ALG12: variants seen among roughly 807,000 people sequenced by gnomAD.
The protein encoded by ALG12 is dol-P-Man:Man(7)GlcNAc(2)-PP-Dol alpha-1,6-mannosyltransferase.
A neutral mutation model predicts 46.0 loss-of-function variants in ALG12; 36 were observed. The ratio of observed to expected loss-of-function variants is 0.78; its 90% CI spans 0.60 to 1.03. The LOEUF (loss-of-function observed/expected upper bound fraction) is 1.03, where lower values mean the gene tolerates loss of function less well. Ranked by LOEUF, ALG12 falls within the 50% of genes least tolerant of loss-of-function variation. ALG12 has a pLI of 0.00. For synonymous variants in ALG12, 326 were observed against 291.6 expected (o/e 1.12, Z -1.20); for missense variants, 599 against 633.5 (o/e 0.95, Z 0.58).
At chr22:49,914,335 A>T (rs2060598283) in intron 1 of ALG12, among the ~76,000 whole-genome samples, 1 of 152,220 alleles carries the variant, frequency 6.6e-6, no homozygotes, top group Admixed American at 6.5e-5. Flanking sequence ...AGCTGCTGGG[A>T]CACAGGGCTC....
At chr22:49,879,318 G>A in the ALG12 span, among the ~76,000 whole-genome samples, 2 of 151,816 alleles carry the variant, frequency 1.3e-5, no homozygotes, top group African/African-American at 4.8e-5. Flanking sequence ...GTAGAGACCA[G>A]GTTTCGCCAT....
At position 49,900,821 on chromosome 22, in the gene ALG12, AAC is replaced by A. The variant is rs1569170673; in HGVS notation, c.*3015_*3016del. ...ACACATATTACATATGTACGTGTGCAACTGCACGCAGCATGCCTGTCCTCCCT... is the reference window on the plus strand; with the variant it reads ...ACACATATTACATATGTACGTGTGCATGCACGCAGCATGCCTGTCCTCCCT... On this transcript the variant is annotated 3_prime_UTR_variant, in exon 10 of 10. Coordinates refer to ENST00000330817, the MANE Select transcript of ALG12 (RefSeq NM_024105.4). 9 of 151,866 alleles carry A rather than the reference AAC, an allele frequency of 5.9e-5. No individual in the cohort carries two copies. Among genetic ancestry groups the A allele is most frequent in the African/African-American group, 2.2e-4 (9 of 41,184 alleles). 9.4% of individuals were successfully genotyped at this position (151,866 alleles called of 1,614,324 possible).
the ALG12 span, among the ~76,000 whole-genome samples, chr22:49,870,585 G>A: frequency 2.0e-5 from 3 of 152,040 alleles, no homozygotes; most frequent in African/African-American, 7.3e-5. Context: ...TGTTGATGTC[G>A]AGCATTTTTT....
the ALG12 span, among the ~76,000 whole-genome samples, chr22:49,894,803 C>A: frequency 6.6e-6 from 1 of 152,218 alleles, no homozygotes; most frequent in East Asian, 1.9e-4. Context: ...ACCATCCTGC[C>A]GGACGGCCGT....
the ALG12 span, chr22:49,886,982 A>G: frequency 3.2e-5 from 52 of 1,614,000 alleles, no homozygotes; most frequent in Non-Finnish European, 2.0e-5. The surrounding 1 kb of genome is among the most constrained non-coding windows in gnomAD (Gnocchi z 7.7). Context: ...TGGAACCTGA[A>G]GAAGGCGTCC....
chr22:49,898,091 C>T (rs759690492), downstream of ALG12, among the ~76,000 whole-genome samples: 29 of 152,108 alleles, frequency 1.9e-4, no homozygotes, highest in South Asian at 2.1e-4. Flanking sequence ...CCTTGACCTC[C>T]TGGGCTCAAG....
chr22:49,883,825 G>A, the ALG12 span: 1,628 of 1,612,450 alleles, frequency 1.0e-3, 1 homozygote, highest in Non-Finnish European at 1.3e-3. Flanking sequence ...GACAGACAGC[G>A]GTGGGGAGCG....
chr22:49,908,071 G>A (rs192916413), intron 6 of ALG12, 127 bp from the exon 7 acceptor site: 32 of 932,624 alleles, frequency 3.4e-5, no homozygotes, highest in Admixed American at 8.7e-5. Context: ...ACCACGGCTC[G>A]TGTGCACAGA....
downstream of ALG12, among the ~76,000 whole-genome samples, chr22:49,895,946 G>C (rs2060481883): frequency 6.6e-6 from 1 of 152,174 alleles, no homozygotes. Context: ...TGAGTTCTGG[G>C]AAGGGCAAAT....
At chr22:49,884,204 C>G in the ALG12 span, 1 of 1,606,324 alleles carries the variant, frequency 6.2e-7, no homozygotes. Context: ...GCCGTGTCCT[C>G]GTTCCCCTCT....
chr22:49,903,010 GGT>G lies in ALG12; in HGVS notation c.*826_*827del. The G allele has an allele frequency of 3.0e-6, 1 of 338,762 alleles. No homozygotes were observed. Among genetic ancestry groups the G allele is most frequent in the South Asian group, 2.2e-5 (1 of 44,922 alleles). 21.0% of individuals were successfully genotyped at this position (338,762 alleles called of 1,614,324 possible). ...GTGTGGTGTGTGTGCATGTATGCAT[GGT>G]GTGTGCATACGTGTGCAGCAGCACC... is the stretch of plus-strand genomic sequence containing the variant. On this transcript the variant is annotated 3_prime_UTR_variant, in exon 10 of 10. Coordinates refer to ENST00000330817, the MANE Select transcript of ALG12 (RefSeq NM_024105.4).
intron 7 of ALG12, among the ~76,000 whole-genome samples, chr22:49,904,856 C>T (rs1438678808): frequency 1.3e-5 from 2 of 152,172 alleles, no homozygotes; most frequent in Admixed American, 6.5e-5. Flanking sequence ...TCTCCTGCCT[C>T]AGCCTCCCAA....
At chr22:49,880,377 G>T in the ALG12 span, among the ~76,000 whole-genome samples, 99 of 152,318 alleles carry the variant, frequency 6.5e-4, no homozygotes, top group African/African-American at 2.4e-3. Flanking sequence ...ACCTCCGCAG[G>T]TCTGCGTAGC....
chr22:49,907,955 G>C lies in ALG12; in HGVS notation c.769-11C>G, dbSNP rs374739870. The C allele has an allele frequency of 1.2e-5, 20 of 1,610,518 alleles. No homozygotes were observed. Among genetic ancestry groups the C allele is most frequent in the Middle Eastern group, 1.8e-4 (1 of 5,696 alleles). ...CAGCAGCGGGGAGGTCTGCGGGCTGGGTTAAGGAGGCCACGCACCTGTCCA... is the reference window on the plus strand; with the variant it reads ...CAGCAGCGGGGAGGTCTGCGGGCTGCGTTAAGGAGGCCACGCACCTGTCCA... On this transcript the variant is annotated splice_polypyrimidine_tract_variant and intron_variant, in intron 6 of 9. Coordinates refer to ENST00000330817, the MANE Select transcript of ALG12 (RefSeq NM_024105.4).
chr22:49,914,115 G>A (rs570771648), intron 1 of ALG12, among the ~76,000 whole-genome samples: 11 of 152,312 alleles, frequency 7.2e-5, no homozygotes, highest in African/African-American at 2.6e-4. Context: ...ACCAGGCCTG[G>A]GCCACGAGGG....
intron 1 of ALG12, among the ~76,000 whole-genome samples, chr22:49,915,988 G>A (rs899140903): frequency 2.0e-5 from 3 of 152,206 alleles, no homozygotes; most frequent in Non-Finnish European, 4.4e-5. Context: ...AGCCGGGAGC[G>A]GTGGCTCATT....
rs748525546 is a variant in ALG12 at position 49,913,735 on chromosome 22, G to A, written c.31C>T (p.Pro11Ser). The change falls in exon 2 of 10, where the codon CCC becomes TCC. Residue 11 changes from proline to serine, a missense_variant. By Grantham distance (74) the Pro-to-Ser change is moderately conservative. Transcript: ENST00000330817. MAGKGSSGRRPLLLGLLVAVA... is the reference protein window; with the variant it reads MAGKGSSGRRSLLLGLLVAVA... ...GCCACCAGCAGCCCCAGCAGCAGGG[G>A]CCGCCTGCCTGATGACCCCTTTCCA... 2 of 1,613,744 alleles carry A rather than the reference G, an allele frequency of 1.2e-6. No individual in the cohort carries two copies. The highest frequency in any genetic ancestry group is 1.1e-5 in the South Asian group (1 of 91,080).
intron 6 of ALG12, 129 bp downstream of exon 6, chr22:49,909,115 G>A (rs2060560627): frequency 1.0e-6 from 1 of 968,842 alleles, no homozygotes; most frequent in Admixed American, 1.8e-5. Flanking sequence ...GGGAGGGAGG[G>A]GCTCCATCCT....
At chr22:49,914,212 G>A (rs762793811) in intron 1 of ALG12, among the ~76,000 whole-genome samples, 8 of 152,344 alleles carry the variant, frequency 5.3e-5, no homozygotes, top group Non-Finnish European at 7.3e-5. Context: ...CGAGGGAACC[G>A]GCTGAAGAAG....
Sources: allele counts gnomAD v4.1 joint callset (sites outside exome capture counted in the v4.1 genomes callset), GRCh38; gene constraint gnomAD v4.1.1; non-coding constraint Gnocchi (gnomAD v3.1); transcripts MANE v1.5; gene names NCBI Gene and HGNC (gene_info 2026-07-23, HGNC 2026-07-21).